The following DRD4 variants were observed in gnomAD, a reference collection of about 807,000 sequenced individuals.
DRD4 encodes D(4) dopamine receptor.
In DRD4, 26 loss-of-function variants were observed where a neutral mutation model predicts 22.1. The ratio of observed to expected loss-of-function variants is 1.17; its 90% CI spans 0.86 to 1.63. DRD4 has a LOEUF of 1.63. Ranked by LOEUF, DRD4 falls within the 40% of genes most tolerant of loss-of-function variation. The pLI is 0.00. For missense variants in DRD4, 913 were observed against 632.4 expected (o/e 1.44, Z -4.76); for synonymous variants, 455 against 306.7 (o/e 1.48, Z -5.05).
chr11:639,666 GC>G lies in DRD4; in HGVS notation c.419del (p.Pro140ArgfsTer206). ...CCCGCAGGTTCGTGGCCGTGGCCGT[GC>G]CGCTGCGCTACAACCGGCAGGGTGG... is the stretch of plus-strand genomic sequence containing the variant. ...SVDRFVAVAV[P>X]LRYNRQGGSR... is the part of the protein sequence containing the mutation. On this transcript the variant is annotated frameshift_variant, in exon 3 of 4. Coordinates refer to ENST00000176183, the MANE Select transcript of DRD4 (RefSeq NM_000797.4). LOFTEE classifies it high-confidence loss of function. 6.8e-7 allele frequency: 1 copy of G among 1,464,564 alleles called. No individual in the cohort carries two copies. Among genetic ancestry groups the G allele is most frequent in the Non-Finnish European group, 9.0e-7 (1 of 1,112,694 alleles). The allele number at this position is 1,464,564 out of a possible 1,614,324, so 90.7% of individuals were successfully genotyped here.
At position 639,846 on chromosome 11, in the gene DRD4, C is replaced by T. The variant is rs1219674277; in HGVS notation, c.597C>T (p.Cys199=). The part of the protein sequence containing the change: ...DRDYVVYSSV[C]SFFLPCPLML... The stretch of plus-strand genomic sequence containing the variant: ...ACTACGTGGTCTACTCGTCCGTGTG[C>T]TCCTTCTTCCTACCCTGCCCGCTCA... The change falls in exon 3 of 4, where the codon TGC becomes TGT. Residue 199 remains cysteine, a synonymous_variant. Transcript: ENST00000176183. The T allele has an allele frequency of 1.3e-6, 2 of 1,586,656 alleles. No individual in the cohort carries two copies. Among genetic ancestry groups the T allele is most frequent in the Non-Finnish European group, 8.5e-7 (1 of 1,174,104 alleles).
chr11:637,289 C>T lies in DRD4; in HGVS notation c.-16C>T. ...CCGGCGTTGTCCGCGGTGCTCAGCG[C>T]CCGCCCGGGCGCGCCATGGGGAACC... is the stretch of plus-strand genomic sequence containing the variant. On this transcript the variant is annotated 5_prime_UTR_variant, in exon 1 of 4. Transcript: ENST00000176183. 1 of 1,192,374 alleles carries T rather than the reference C, an allele frequency of 8.4e-7. No individual in the cohort carries two copies. The highest frequency in any genetic ancestry group is 1.0e-6 in the Non-Finnish European group (1 of 962,904). 73.9% of individuals were successfully genotyped at this position (1,192,374 alleles called of 1,614,324 possible).
Position 640,168 on chromosome 11 carries a change from G to A in DRD4, c.919G>A (p.Gly307Ser), listed in dbSNP as rs1169913989. The change falls in exon 3 of 4, where the codon GGC becomes AGC. Residue 307 changes from glycine (G) to serine (S), a missense_variant. Gly to Ser is a moderately conservative substitution (Grantham distance 56). Coordinates refer to ENST00000176183, the MANE Select transcript of DRD4 (RefSeq NM_000797.4). ...PAPGLPPDPC[G>S]SNCAPPDAVR... ...GCCCGGCCTCCCCCCGGACCCCTGC[G>A]GCTCCAACTGTGCTCCCCCCGACGC... The A allele has an allele frequency of 6.6e-7, 1 of 1,522,688 alleles. No individual in the cohort carries two copies. The highest frequency in any genetic ancestry group is 1.4e-5 in the African/African-American group (1 of 71,826). The allele number at this position is 1,522,688 out of a possible 1,614,324, so 94.3% of individuals were successfully genotyped here. A position where few individuals can be genotyped will look rare whatever the true frequency, so the allele number is the denominator to read the frequency against.
In DRD4 at chr11:639,939, G is replaced by C. The variant is rs374957955; in HGVS notation, c.690G>C (p.Leu230=). 6.8e-7 allele frequency: 1 copy of C among 1,473,678 alleles called. No homozygotes were observed. The highest frequency in any genetic ancestry group is 8.9e-7 in the Non-Finnish European group (1 of 1,121,272). 91.3% of individuals were successfully genotyped at this position (1,473,678 alleles called of 1,614,324 possible). Residue 230 remains leucine (L), a synonymous_variant, in exon 3 of 4, where the codon CTG becomes CTC. Coordinates refer to ENST00000176183, the MANE Select transcript of DRD4 (RefSeq NM_000797.4). The part of the protein sequence containing the change: ...QRWEVARRAK[L]HGRAPRRPSG... ...GGGAGGTGGCACGTCGCGCCAAGCTGCACGGCCGCGCGCCCCGCCGACCCA... is the reference window on the plus strand; with the variant it reads ...GGGAGGTGGCACGTCGCGCCAAGCTCCACGGCCGCGCGCCCCGCCGACCCA...
rs1487364473 is a variant in DRD4, at chr11:640,527, T to C, written c.1184T>C (p.Leu395Pro). ...VTWLGYVNSA[L>P]NPVIYTVFNA... ...TGGCTGGGCTACGTCAACAGCGCCC[T>C]CAACCCCGTCATCTACACTGTCTTC... The change falls in exon 4 of 4, where the codon CTC becomes CCC. Residue 395 changes from leucine to proline, a missense_variant. Transcript: ENST00000176183. 6.3e-7 allele frequency: 1 copy of C among 1,598,328 alleles called. No individual in the cohort carries two copies. Among genetic ancestry groups the C allele is most frequent in the African/African-American group, 1.3e-5 (1 of 74,220 alleles).
rs1240846781 is a variant in DRD4, at chr11:639,723, C to A, written c.474C>A (p.Ala158=). 1 of 1,511,250 alleles carries A rather than the reference C, an allele frequency of 6.6e-7. No homozygotes were observed. The highest frequency in any genetic ancestry group is 2.7e-5 in the East Asian group (1 of 37,712). 93.6% of individuals were successfully genotyped at this position (1,511,250 alleles called of 1,614,324 possible). The change falls in exon 3 of 4, where the codon GCC becomes GCA. Residue 158 remains alanine (A), a synonymous_variant. Transcript: ENST00000176183. ...GCCGGCAGCTGCTGCTCATCGGCGC[C>A]ACGTGGCTGCTGTCCGCGGCGGTGG... ...GSRRQLLLIG[A]TWLLSAAVAA... is the part of the protein sequence containing the mutation.
In DRD4 at chr11:640,508, G is replaced by T. The variant is rs754680843; in HGVS notation, c.1165G>T (p.Gly389Cys). The change falls in exon 4 of 4, where the codon GGC (glycine) becomes TGC (cysteine). Residue 389 changes from glycine (G) to cysteine (C), a missense_variant. Gly to Cys is a radical substitution (Grantham distance 159). Transcript: ENST00000176183. ...PRLVSAVTWL[G>C]YVNSALNPVI... Reference sequence around the variant, plus strand: ...GCTGGTCAGCGCCGTCACCTGGCTGGGCTACGTCAACAGCGCCCTCAACCC... The same window carrying T: ...GCTGGTCAGCGCCGTCACCTGGCTGTGCTACGTCAACAGCGCCCTCAACCC... The T allele has an allele frequency of 6.2e-7, 1 of 1,601,788 alleles. No individual in the cohort carries two copies. Among genetic ancestry groups the T allele is most frequent in the Admixed American group, 1.7e-5 (1 of 60,014 alleles).
intron 1 of DRD4, among the ~76,000 whole-genome samples, 170 bp downstream of exon 1, chr11:637,759 C>T (rs538673916): frequency 1.5e-4 from 22 of 149,882 alleles, no homozygotes; most frequent in Non-Finnish European, 2.2e-4. Flanking sequence ...CCGCCGCCAC[C>T]TCGCGACCTT....
rs199609858 is a variant in DRD4, at chr11:639,851, T to C, written c.602T>C (p.Phe201Ser). 427 of 1,586,434 alleles carry C rather than the reference T, an allele frequency of 2.7e-4. No individual in the cohort carries two copies. Among genetic ancestry groups the C allele is most frequent in the Non-Finnish European group, 3.2e-4 (373 of 1,174,072 alleles). ...DYVVYSSVCS[F>S]FLPCPLMLLL... Reference sequence around the variant, plus strand: ...GTGGTCTACTCGTCCGTGTGCTCCTTCTTCCTACCCTGCCCGCTCATGCTG... The same window carrying C: ...GTGGTCTACTCGTCCGTGTGCTCCTCCTTCCTACCCTGCCCGCTCATGCTG... The change falls in exon 3 of 4, where the codon TTC becomes TCC. Residue 201 changes from phenylalanine (F) to serine (S), a missense_variant. Transcript: ENST00000176183.
At position 640,194 on chromosome 11, in the gene DRD4, C is replaced by T. The variant is rs949193977; in HGVS notation, c.945C>T (p.Ala315=). The T allele has an allele frequency of 4.9e-5, 75 of 1,531,676 alleles. No homozygotes were observed. Among genetic ancestry groups the T allele is most frequent in the South Asian group, 8.3e-5 (7 of 83,860 alleles). 94.9% of individuals were successfully genotyped at this position (1,531,676 alleles called of 1,614,324 possible). A position where few individuals can be genotyped will look rare whatever the true frequency, so the allele number is the denominator to read the frequency against. The change falls in exon 3 of 4, where the codon GCC becomes GCT. Residue 315 remains alanine (A), a synonymous_variant. Transcript: ENST00000176183. ...GCTCCAACTGTGCTCCCCCCGACGC[C>T]GTCAGAGCCGCCGCGCTCCCACCCC... ...PCGSNCAPPD[A]VRAAALPPQT...
At chr11:639,375 G>GT (rs1858145778) in intron 1 of DRD4, 58 bp from the exon 2 acceptor site, 3 of 1,407,404 alleles carry the variant, frequency 2.1e-6, no homozygotes, top group Middle Eastern at 3.5e-4. Context: ...GAGTGGGGGC[G>GT]GGTCACAAGG....
At chr11:639,372 G>C (rs756306965) in intron 1 of DRD4, 61 bp from the exon 2 acceptor site, 179 of 1,443,320 alleles carry the variant, frequency 1.2e-4, no homozygotes, top group Non-Finnish European at 1.5e-4. Context: ...TAAGAGTGGG[G>C]GCGGGTCACA....
At chr11:639,107 C>T (rs1467938993) in intron 1 of DRD4, 7 of 347,028 alleles carry the variant, frequency 2.0e-5, no homozygotes, top group Non-Finnish European at 3.8e-5. Context: ...AAAAACAAAT[C>T]AGCCGGGGGT....
In DRD4 at chr11:639,435, C is replaced by T. The variant is rs1431929831; in HGVS notation, c.288C>T (p.Val96=). ...GGGCCTGTGGTGTCGCCGCGCAGGT[C>T]CAGGGTGGCGCGTGGCTGCTGAGCC... ...LVLPLFVYSE[V]QGGAWLLSPR... is the part of the protein sequence containing the mutation. Residue 96 remains valine, a splice_region_variant and synonymous_variant, in exon 2 of 4, where the codon GTC becomes GTT. Transcript: ENST00000176183. 1.3e-6 allele frequency: 2 copies of T among 1,590,358 alleles called. No individual in the cohort carries two copies. The highest frequency in any genetic ancestry group is 1.7e-6 in the Non-Finnish European group (2 of 1,175,454).
Position 640,389 on chromosome 11 carries a change from C to G in DRD4, c.1058-12C>G. On this transcript the variant is annotated splice_polypyrimidine_tract_variant and intron_variant, in intron 3 of 3. Coordinates refer to ENST00000176183, the MANE Select transcript of DRD4 (RefSeq NM_000797.4). ...GGGCGGGGGGCGCTAACGCGGCTCT[C>G]GGCGCCCCCAGGGGCCTTCCTGCTG... 1 of 1,596,686 alleles carries G rather than the reference C, an allele frequency of 6.3e-7. No individual in the cohort carries two copies. The highest frequency in any genetic ancestry group is 8.5e-7 in the Non-Finnish European group (1 of 1,178,640).
At position 637,479 on chromosome 11, in the gene DRD4, G is replaced by A. The variant is rs1246396020; in HGVS notation, c.175G>A (p.Val59Met). The change falls in exon 1 of 4, where the codon GTG (valine) becomes ATG (methionine). Residue 59 changes from valine (V) to methionine (M), a missense_variant. Val to Met is a conservative substitution (Grantham distance 21). Transcript: ENST00000176183. ...GGGGAACTCGCTCGTGTGCGTGAGC[G>A]TGGCCACCGAGCGCGCCCTGCAGAC... is the stretch of plus-strand genomic sequence containing the variant. Reference protein sequence around the residue: ...LAGNSLVCVSVATERALQTPT... With the variant: ...LAGNSLVCVSMATERALQTPT... 2 of 1,541,904 alleles carry A rather than the reference G, an allele frequency of 1.3e-6. No homozygotes were observed. The highest frequency in any genetic ancestry group is 1.2e-5 in the South Asian group (1 of 84,274).
rs964661876 is a variant in DRD4, at chr11:639,500, T to TGTG, written c.354_356dup (p.Leu118_Cys119insTrp). On this transcript the variant is annotated inframe_insertion, in exon 2 of 4. Coordinates refer to ENST00000176183, the MANE Select transcript of DRD4 (RefSeq NM_000797.4). ...GCCCTCATGGCCATGGACGTCATGC[T>TGTG]GTGCACCGCCTCCATCTTCAACCTG... 8 of 1,603,632 alleles carry TGTG rather than the reference T, an allele frequency of 5.0e-6. No individual in the cohort carries two copies. The highest frequency in any genetic ancestry group is 5.9e-6 in the Non-Finnish European group (7 of 1,178,952).
At position 640,561 on chromosome 11, in the gene DRD4, G is replaced by GT; in HGVS notation, c.1220dup (p.Arg408ProfsTer42). ...TCATCTACACTGTCTTCAACGCCGA[G>GT]TTCCGCAACGTCTTCCGCAAGGCCC... On this transcript the variant is annotated frameshift_variant, in exon 4 of 4. Coordinates refer to ENST00000176183, the MANE Select transcript of DRD4 (RefSeq NM_000797.4). LOFTEE classifies it high-confidence loss of function. The GT allele has an allele frequency of 1.3e-6, 2 of 1,599,978 alleles. No individual in the cohort carries two copies. Among genetic ancestry groups the GT allele is most frequent in the Non-Finnish European group, 1.7e-6 (2 of 1,179,768 alleles).
chr11:639,166 G>A, intron 1 of DRD4: 2 of 502,882 alleles, frequency 4.0e-6, no homozygotes, highest in Non-Finnish European at 7.3e-6. Flanking sequence ...GAGGTGGGAG[G>A]ATCGCTTGAG....
Sources: allele counts gnomAD v4.1 joint callset (sites outside exome capture counted in the v4.1 genomes callset), GRCh38; gene constraint gnomAD v4.1.1; transcripts MANE v1.5; gene names NCBI Gene and HGNC (gene_info 2026-07-23, HGNC 2026-07-21).